Variants in ITGB4 observed in about 807,000 individuals in gnomAD.
The protein encoded by ITGB4 is integrin beta-4.
Under a neutral mutation model 207.6 loss-of-function variants are expected in ITGB4, and 159 were observed. The ratio of observed to expected loss-of-function variants is 0.77; its 90% CI spans 0.67 to 0.87. The LOEUF is 0.87. ITGB4 is among the 40% of genes least tolerant of loss of function. The pLI is 0.00. For synonymous variants in ITGB4, 1,020 were observed against 1,062.7 expected (o/e 0.96, Z 0.78); for missense variants, 2,278 against 2,546.8 (o/e 0.89, Z 2.27).
chr17:75,731,357 C>G lies in ITGB4; in HGVS notation c.1204C>G (p.Arg402Gly). The G allele has an allele frequency of 6.2e-7, 1 of 1,608,668 alleles. No individual in the cohort carries two copies. Among genetic ancestry groups the G allele is most frequent in the Non-Finnish European group, 8.5e-7 (1 of 1,176,752 alleles). Residue 402 changes from arginine to glycine, a missense_variant, in exon 10 of 40, where the codon CGG becomes GGG. Arg to Gly is a moderately radical substitution (Grantham distance 125). Transcript: ENST00000200181. This position sits in a 1 kb window ranked among gnomAD's most constrained non-coding sequence, Gnocchi z 6.8. Reference sequence around the variant, plus strand: ...GAGGACTGGGTCCTTTCACATCCGGCGGGGGGAAGTGGTACGCCTCTGTGG... The same window carrying G: ...GAGGACTGGGTCCTTTCACATCCGGGGGGGGGAAGTGGTACGCCTCTGTGG... ...KTRTGSFHIR[R>G]GEVGIYQVQL... is the part of the protein sequence containing the mutation.
At chr17:75,737,893 G>T (rs1220430130) in intron 18 of ITGB4, among the ~76,000 whole-genome samples, 3 of 147,308 alleles carry the variant, frequency 2.0e-5, no homozygotes, top group Non-Finnish European at 3.0e-5. Flanking sequence ...TCCCCTCTCT[G>T]ACAGGGTCTC....
chr17:75,750,053 G>GC lies in ITGB4; in HGVS notation c.3317-53dup. The GC allele has an allele frequency of 1.9e-6, 3 of 1,601,996 alleles. No individual in the cohort carries two copies. Among genetic ancestry groups the GC allele is most frequent in the Non-Finnish European group, 2.6e-6 (3 of 1,170,034 alleles). ...CTGGGTGTTGAAGTGGGTCTCTGGC[G>GC]CCCCCTGGTGGTGAAGGGGGATCTG... is the stretch of plus-strand genomic sequence containing the variant. On this transcript the variant is annotated intron_variant, in intron 27 of 39. Transcript: ENST00000200181. This position sits in a 1 kb window ranked among gnomAD's most constrained non-coding sequence, Gnocchi z 5.5.
In ITGB4 at chr17:75,740,887, C is replaced by T. The variant is rs772039030; in HGVS notation, c.2609+36C>T. ...GGGTGCCCGGGTTGGGTGGGGGAGC[C>T]GCTCCTACCGGGACTCCAGGAGCCG... On this transcript the variant is annotated intron_variant, in intron 22 of 39. Transcript: ENST00000200181. The surrounding 1 kb of genome is among the most constrained non-coding windows in gnomAD (Gnocchi z 5.9). 19 of 1,612,970 alleles carry T rather than the reference C, an allele frequency of 1.2e-5. No individual in the cohort carries two copies. The highest frequency in any genetic ancestry group is 4.0e-5 in the African/African-American group (3 of 74,920).
chr17:75,754,961 C>CAT lies in ITGB4; in HGVS notation c.4558+146_4558+147insAT, dbSNP rs3988219. 57,563 of 1,531,326 alleles carry CAT rather than the reference C, an allele frequency of 0.038. 1,470 individuals are homozygous for CAT. Among genetic ancestry groups the CAT allele is most frequent in the South Asian group, 0.044 (3,874 of 88,074 alleles). 94.9% of individuals were successfully genotyped at this position (1,531,326 alleles called of 1,614,324 possible). A position where few individuals can be genotyped will look rare whatever the true frequency, so the allele number is the denominator to read the frequency against. ...ACACATGCACGCACACACGTGCACA[C>CAT]GCATGCACACATGTACACAGACATG... On this transcript the variant is annotated intron_variant, in intron 34 of 39. Coordinates refer to ENST00000200181, the MANE Select transcript of ITGB4 (RefSeq NM_000213.5).
chr17:75,753,744 C>A, intron 32 of ITGB4, 21 bp from the exon 33 acceptor site: 2 of 1,398,820 alleles, frequency 1.4e-6, no homozygotes, highest in Non-Finnish European at 1.9e-6. Context: ...GGTGCCAACG[C>A]GGCCCTTCGT....
chr17:75,736,847 C>T (rs973110583), intron 16 of ITGB4, 153 bp downstream of exon 16: 1 of 858,180 alleles, frequency 1.2e-6, no homozygotes, highest in African/African-American at 1.7e-5. Flanking sequence ...GACCACAGAA[C>T]CCAGATAGAG....
chr17:75,756,954 G>A lies in ITGB4; in HGVS notation c.5065G>A (p.Ala1689Thr), dbSNP rs372938774. ...TCTTCCCTGCTCAGGGCCAGCCACC[G>A]CATTCCGGGTGGATGGAGACAGCCC... ...EMAQGGGPAT[A>T]FRVDGDSPES... The change falls in exon 38 of 40, where the codon GCA (alanine) becomes ACA (threonine). Residue 1689 changes from alanine to threonine, a missense_variant. Physicochemically the swap from Ala to Thr is moderately conservative, Grantham distance 58. Transcript: ENST00000200181. 4.2e-5 allele frequency: 67 copies of A among 1,612,398 alleles called. No individual in the cohort carries two copies. The highest frequency in any genetic ancestry group is 6.7e-5 in the African/African-American group (5 of 74,916).
chr17:75,751,533 T>C, intron 30 of ITGB4: 1 of 269,454 alleles, frequency 3.7e-6, no homozygotes, highest in Non-Finnish European at 7.3e-6. Context: ...GGTGGACTGC[T>C]TGAGGTCAGG....
rs1414491529 is a variant in ITGB4, at chr17:75,757,460, C to T, written c.5374C>T (p.Leu1792Phe). The change falls in exon 40 of 40, where the codon CTC (leucine) becomes TTC (phenylalanine). Residue 1792 changes from leucine (L) to phenylalanine (F), a missense_variant. By Grantham distance (22) the Leu-to-Phe change is conservative (BLOSUM62 0). Transcript: ENST00000200181. Reference sequence around the variant, plus strand: ...CCAGCACCTGGAGGCAGGCGGCTCCCTCACCCGGCATGTGACCCAGGAGTT... The same window carrying T: ...CCAGCACCTGGAGGCAGGCGGCTCCTTCACCCGGCATGTGACCCAGGAGTT... ...GAQHLEAGGS[L>F]TRHVTQEFVS... 1.2e-6 allele frequency: 2 copies of T among 1,612,692 alleles called. No individual in the cohort carries two copies. The highest frequency in any genetic ancestry group is 1.1e-5 in the South Asian group (1 of 91,078).
Position 75,740,282 on chromosome 17 carries a change from G to A in ITGB4, c.2447-76G>A, listed in dbSNP as rs2092954734. 2 of 1,382,802 alleles carry A rather than the reference G, an allele frequency of 1.4e-6. No individual in the cohort carries two copies. The highest frequency in any genetic ancestry group is 1.0e-6 in the Non-Finnish European group (1 of 987,448). The allele number at this position is 1,382,802 out of a possible 1,614,324, so 85.7% of individuals were successfully genotyped here. On this transcript the variant is annotated intron_variant, in intron 20 of 39. Coordinates refer to ENST00000200181, the MANE Select transcript of ITGB4 (RefSeq NM_000213.5). The surrounding 1 kb of genome is among the most constrained non-coding windows in gnomAD (Gnocchi z 5.9). Reference sequence around the variant, plus strand: ...TCCCCTGATCCTAGCATGGTTGCTGGAGGGATGCTCTGTGGTGCCTGTCAT... The same window carrying A: ...TCCCCTGATCCTAGCATGGTTGCTGAAGGGATGCTCTGTGGTGCCTGTCAT...
chr17:75,753,456 G>C (rs988568016), intron 32 of ITGB4, among the ~76,000 whole-genome samples: 1 of 152,200 alleles, frequency 6.6e-6, no homozygotes, highest in Non-Finnish European at 1.5e-5. Context: ...AGTAAAGCAA[G>C]GGAGACCTCA....
chr17:75,751,064 A>G lies in ITGB4; in HGVS notation c.3746A>G (p.Glu1249Gly). Residue 1249 changes from glutamate to glycine, a missense_variant, in exon 30 of 40, where the codon GAG (glutamate) becomes GGG (glycine). Glu to Gly is a moderately conservative substitution (Grantham distance 98, BLOSUM62 -2). Transcript: ENST00000200181. ...GCTGAGCCGGCTGAGACCAACGGTG[A>G]GATCACAGCCTACGAGGTCTGCTAT... The part of the protein sequence containing the change: ...SWAEPAETNG[E>G]ITAYEVCYGL... 1.2e-6 allele frequency: 2 copies of G among 1,613,936 alleles called. No homozygotes were observed. The highest frequency in any genetic ancestry group is 1.7e-6 in the Non-Finnish European group (2 of 1,180,040).
intron 2 of ITGB4, among the ~76,000 whole-genome samples, chr17:75,725,608 T>C (rs375962360): frequency 2.6e-4 from 39 of 152,284 alleles, no homozygotes; most frequent in African/African-American, 9.1e-4. Context: ...GCCATCGCAC[T>C]GGCCACCACA....
In ITGB4 at chr17:75,727,491, T is replaced by A; in HGVS notation, c.250T>A (p.Phe84Ile). The change falls in exon 4 of 40, where the codon TTC (phenylalanine) becomes ATC (isoleucine). Residue 84 changes from phenylalanine to isoleucine, a missense_variant. By Grantham distance (21) the Phe-to-Ile change is conservative. Coordinates refer to ENST00000200181, the MANE Select transcript of ITGB4 (RefSeq NM_000213.5). The surrounding 1 kb of genome is among the most constrained non-coding windows in gnomAD (Gnocchi z 6.0). Reference sequence around the variant, plus strand: ...GAGCATCGTGGTCATGGAGAGCAGCTTCCAAATCACAGAGGTGCCTGGTGT... The same window carrying A: ...GAGCATCGTGGTCATGGAGAGCAGCATCCAAATCACAGAGGTGCCTGGTGT... Reference protein sequence around the residue: ...RESIVVMESSFQITEETQIDT... With the variant: ...RESIVVMESSIQITEETQIDT... 6.2e-7 allele frequency: 1 copy of A among 1,613,800 alleles called. No homozygotes were observed. The highest frequency in any genetic ancestry group is 8.5e-7 in the Non-Finnish European group (1 of 1,179,974).
Position 75,732,373 on chromosome 17 carries a change from T to A in ITGB4, c.1454+134T>A. On this transcript the variant is annotated intron_variant, in intron 12 of 39. Coordinates refer to ENST00000200181, the MANE Select transcript of ITGB4 (RefSeq NM_000213.5). This position sits in a 1 kb window ranked among gnomAD's most constrained non-coding sequence, Gnocchi z 5.3. ...GTGGGGCGGCAATCAAAGAAACGGC[T>A]AAGGGCGGGGCACACCCAGTTGTTG... 1 of 828,714 alleles carries A rather than the reference T, an allele frequency of 1.2e-6. No individual in the cohort carries two copies. Among genetic ancestry groups the A allele is most frequent in the Non-Finnish European group, 2.0e-6 (1 of 495,752 alleles). The allele number at this position is 828,714 out of a possible 1,614,324, so 51.3% of individuals were successfully genotyped here.
rs1254725988 is a variant in ITGB4, at chr17:75,729,286, C to A, written c.588C>A (p.Asn196Lys). The change falls in exon 7 of 40, where the codon AAC (asparagine) becomes AAA (lysine). Residue 196 changes from asparagine (N) to lysine (K), a missense_variant. Coordinates refer to ENST00000200181, the MANE Select transcript of ITGB4 (RefSeq NM_000213.5). This position sits in a 1 kb window ranked among gnomAD's most constrained non-coding sequence, Gnocchi z 4.4. Reference sequence around the variant, plus strand: ...CCAGGCTGAAGGAGCCCTGGCCCAACAGTGACCCCCCCTTCTCCTTCAAGA... The same window carrying A: ...CCAGGCTGAAGGAGCCCTGGCCCAAAAGTGACCCCCCCTTCTCCTTCAAGA... ...RPEKLKEPWP[N>K]SDPPFSFKNV... The A allele has an allele frequency of 6.2e-7, 1 of 1,614,098 alleles. No homozygotes were observed. The highest frequency in any genetic ancestry group is 1.3e-5 in the African/African-American group (1 of 75,032).
intron 18 of ITGB4, among the ~76,000 whole-genome samples, chr17:75,738,975 G>GA (rs79088186): frequency 2.9e-4 from 41 of 140,076 alleles, no homozygotes; most frequent in Non-Finnish European, 3.0e-4. Flanking sequence ...GACTCAAAAA[G>GA]AAAAAAAAAA....
At chr17:75,754,975 T>C (rs1440409443) in intron 34 of ITGB4, 160 bp downstream of exon 34, 61 of 1,535,882 alleles carry the variant, frequency 4.0e-5, no homozygotes, top group Non-Finnish European at 5.0e-5. Context: ...TGCACACATG[T>C]ACACAGACAT....
rs1171773022 is a variant in ITGB4 at position 75,743,614 on chromosome 17, T to C, written c.2963-99T>C. On this transcript the variant is annotated intron_variant, in intron 25 of 39. Coordinates refer to ENST00000200181, the MANE Select transcript of ITGB4 (RefSeq NM_000213.5). The stretch of plus-strand genomic sequence containing the variant: ...AATGCATAGAGGGAACCAAGCGGAC[T>C]CCTGGATTCTGGGCTGGGCTGGGCA... 7.2e-6 allele frequency: 11 copies of C among 1,537,752 alleles called. No individual in the cohort carries two copies. The East Asian group carries it at 2.5e-4, about 35-fold the overall frequency.
Sources: gnomAD v4.1 joint callset for allele counts (sites outside exome capture counted in the v4.1 genomes callset) on GRCh38, gnomAD v4.1.1 for gene constraint, Gnocchi (gnomAD v3.1) non-coding constraint, MANE v1.5 for transcripts, NCBI Gene and HGNC (gene_info 2026-07-23, HGNC 2026-07-21) for gene names.